GPC6: variants seen among roughly 807,000 people sequenced by gnomAD.
GPC6 encodes glypican-6.
A neutral mutation model predicts 55.2 loss-of-function variants in GPC6; 14 were observed. That is an observed-to-expected ratio of 0.25 (90% CI 0.17 to 0.40). The LOEUF (loss-of-function observed/expected upper bound fraction) is 0.40. Ranked by LOEUF, GPC6 falls within the 10% of genes least tolerant of loss-of-function variation. The pLI is 1.00. For synonymous variants in GPC6, 278 were observed against 259.6 expected (o/e 1.07, Z -0.68); for missense variants, 641 against 708.5 (o/e 0.90, Z 1.08).
At position 94,407,048 on chromosome 13, in the gene GPC6, AAG is replaced by A. The variant is rs1465001855; in HGVS notation, c.*3836_*3837del. On this transcript the variant is annotated 3_prime_UTR_variant, in exon 9 of 9. Coordinates refer to ENST00000377047, the MANE Select transcript of GPC6 (RefSeq NM_005708.5). The stretch of plus-strand genomic sequence containing the variant: ...GTTTAGTTTTAGACCAACTTATACA[AAG>A]AGAGTATTGATTTGTACACATTCTG... 6.6e-6 allele frequency: 1 copy of A among 152,112 alleles called. No individual in the cohort carries two copies. The highest frequency in any genetic ancestry group is 1.5e-5 in the Non-Finnish European group (1 of 67,968). The allele number at this position is 152,112 out of a possible 1,614,324, so 9.4% of individuals were successfully genotyped here.
intron 4 of GPC6, among the ~76,000 whole-genome samples, chr13:94,266,913 G>A (rs760162929): frequency 9.9e-5 from 15 of 152,126 alleles, no homozygotes; most frequent in Non-Finnish European, 1.9e-4. Flanking sequence ...GATCTTCAAC[G>A]GCTTAGTCAT....
rs1488944027 is a variant in GPC6 at position 94,197,247 on chromosome 13, C to T, written c.878-89102C>T. Among the ~76,000 whole-genome samples, 4 of 152,232 alleles carry T rather than the reference C, an allele frequency of 2.6e-5. No individual in the cohort carries two copies. The East Asian group carries it at 5.8e-4, about 22-fold the overall frequency. ...CTCATCTGTAAATTTGCTAGGGCTC[C>T]TCCACACACCCAGACCTTAGTCAAA... is the stretch of plus-strand genomic sequence containing the variant. On this transcript the variant is annotated intron_variant, in intron 4 of 8. Coordinates refer to ENST00000377047, the MANE Select transcript of GPC6 (RefSeq NM_005708.5).
At chr13:93,548,084 T>C (rs574310275) in intron 2 of GPC6, among the ~76,000 whole-genome samples, 1 of 152,312 alleles carries the variant, frequency 6.6e-6, no homozygotes, top group African/African-American at 2.4e-5. Context: ...GTTACCCTCT[T>C]TGAGTTTTAT....
At chr13:93,703,097 G>GT (rs999464842) in intron 2 of GPC6, among the ~76,000 whole-genome samples, 2 of 151,762 alleles carry the variant, frequency 1.3e-5, no homozygotes, top group Admixed American at 6.6e-5. Context: ...ATTATTTCTA[G>GT]TTTTTTATTT....
chr13:93,654,300 C>T (rs1468068166), intron 2 of GPC6, among the ~76,000 whole-genome samples: 1 of 152,166 alleles, frequency 6.6e-6, no homozygotes, highest in Non-Finnish European at 1.5e-5. Context: ...GTCGCCCAGG[C>T]TGGAGTGCAG....
intron 6 of GPC6, among the ~76,000 whole-genome samples, chr13:94,340,898 T>C (rs185691847): frequency 6.6e-6 from 1 of 152,216 alleles, no homozygotes; most frequent in Non-Finnish European, 1.5e-5. Context: ...CCAAATCATA[T>C]TAAAAGTATT....
intron 3 of GPC6, among the ~76,000 whole-genome samples, chr13:93,914,205 A>T (rs1035065023): frequency 2.0e-5 from 3 of 151,926 alleles, no homozygotes; most frequent in African/African-American, 7.3e-5. Context: ...TCCTAATGCT[A>T]TCCCTCCCCC....
At chr13:93,852,648 A>AC (rs775348804) in intron 3 of GPC6, among the ~76,000 whole-genome samples, 6 of 151,632 alleles carry the variant, frequency 4.0e-5, no homozygotes, top group Non-Finnish European at 8.9e-5. Context: ...CTGAAAAGAG[A>AC]CTTTTTCCCC....
In GPC6 at chr13:94,196,910, T is replaced by C. The variant is rs1594047356; in HGVS notation, c.878-89439T>C. On this transcript the variant is annotated intron_variant, in intron 4 of 8. Transcript: ENST00000377047. ...TTATATTGGCTGTTATATTGGCTAA[T>C]TTGTTTCTGGATTTAGTCAGATGCA... Among the ~76,000 whole-genome samples the C allele has an allele frequency of 2.0e-5, 3 of 152,344 alleles. No individual in the cohort carries two copies. The East Asian group carries it at 5.8e-4, about 29-fold the overall frequency.
At chr13:93,944,565 A>G (rs918759810) in intron 3 of GPC6, among the ~76,000 whole-genome samples, 4 of 152,286 alleles carry the variant, frequency 2.6e-5, no homozygotes, top group Admixed American at 6.5e-5. Context: ...AGATACCTAC[A>G]TGTCATTTTG....
At chr13:93,912,687 G>T (rs1347259865) in intron 3 of GPC6, among the ~76,000 whole-genome samples, 2 of 152,168 alleles carry the variant, frequency 1.3e-5, no homozygotes, top group Admixed American at 6.5e-5. Flanking sequence ...AGCTTGCAGT[G>T]AGCCGAGATT....
intron 2 of GPC6, among the ~76,000 whole-genome samples, chr13:93,749,426 T>C (rs529425444): frequency 1.5e-4 from 23 of 152,102 alleles, no homozygotes; most frequent in Middle Eastern, 3.4e-3. Context: ...TTTATTTTCC[T>C]TGACTATTAC....
At chr13:94,027,704 C>A in intron 3 of GPC6, 25 bp from the exon 4 acceptor site, 1 of 1,609,800 alleles carries the variant, frequency 6.2e-7, no homozygotes, top group African/African-American at 1.3e-5. Flanking sequence ...TTTTGATTTT[C>A]TTTTTCTTTG....
intron 3 of GPC6, among the ~76,000 whole-genome samples, chr13:93,952,735 G>C (rs1250522454): frequency 1.3e-5 from 2 of 150,466 alleles, no homozygotes; most frequent in African/African-American, 2.4e-5. Flanking sequence ...GTGTGTATAT[G>C]TGTGTGTGTA....
chr13:93,893,691 A>G (rs1471233049), intron 3 of GPC6, among the ~76,000 whole-genome samples: 1 of 152,172 alleles, frequency 6.6e-6, no homozygotes, highest in Non-Finnish European at 1.5e-5. Flanking sequence ...TTCAGGTGGA[A>G]AAAGGATTCA....
chr13:93,226,668 T>C (rs1232559112), upstream of GPC6: 1 of 152,234 alleles, frequency 6.6e-6, no homozygotes, highest in Non-Finnish European at 1.5e-5. Flanking sequence ...GGATGTGAAG[T>C]GAATAAGAAA....
At chr13:94,143,668 G>A (rs1167048407) in intron 4 of GPC6, among the ~76,000 whole-genome samples, 3 of 152,100 alleles carry the variant, frequency 2.0e-5, no homozygotes, top group Non-Finnish European at 2.9e-5. Flanking sequence ...TGGGTGGATC[G>A]TTTGAGCCCA....
At chr13:93,911,351 T>C (rs919019162) in intron 3 of GPC6, among the ~76,000 whole-genome samples, 6 of 152,136 alleles carry the variant, frequency 3.9e-5, no homozygotes, top group Non-Finnish European at 7.3e-5. Context: ...AAGTCACTGA[T>C]TCAGTGTCCA....
intron 6 of GPC6, among the ~76,000 whole-genome samples, chr13:94,331,426 C>T (rs913461343): frequency 3.3e-5 from 5 of 152,160 alleles, no homozygotes; most frequent in African/African-American, 1.2e-4. Context: ...TGATTGCTGA[C>T]CATCTGGGCC....
Sources: allele counts gnomAD v4.1 joint callset (sites outside exome capture counted in the v4.1 genomes callset), GRCh38; gene constraint gnomAD v4.1.1; transcripts MANE v1.5; gene names NCBI Gene and HGNC (gene_info 2026-07-23, HGNC 2026-07-21).